Variants in PDE4B observed in about 807,000 individuals in gnomAD.
The protein encoded by PDE4B is phosphodiesterase 4B, also known as 3',5'-cyclic-AMP phosphodiesterase 4B.
In PDE4B, 20 loss-of-function variants were observed where a neutral mutation model predicts 82.2. That is an observed-to-expected ratio of 0.24 (90% CI 0.17 to 0.35). The LOEUF (loss-of-function observed/expected upper bound fraction) is 0.35, where lower values mean the gene tolerates loss of function less well. PDE4B is among the 10% of genes least tolerant of loss of function. PDE4B has a pLI of 1.00. For missense variants in PDE4B, 655 were observed against 907.2 expected (o/e 0.72, Z 3.57); for synonymous variants, 320 against 318.9 (o/e 1.00, Z -0.04).
chr1:65,795,727 C>T (rs1645624556), intron 1 of PDE4B, among the ~76,000 whole-genome samples: 2 of 152,220 alleles, frequency 1.3e-5, no homozygotes, highest in Admixed American at 6.5e-5. Context: ...AGCTCTGGAG[C>T]TCCCTGAGGG....
chr1:65,939,769 CTGTCTGAGCTAGTCAGTGAGGGCT>C (rs1648344768), intron 3 of PDE4B, among the ~76,000 whole-genome samples: 2 of 152,118 alleles, frequency 1.3e-5, no homozygotes, highest in African/African-American at 4.8e-5. Flanking sequence ...GCTTTGTAGA[CTGTCTGAGCTAGTCAGTGAGGGCT>C]CCTCAGACAA....
At chr1:65,998,628 C>CT (rs1376432322) in intron 3 of PDE4B, among the ~76,000 whole-genome samples, 2 of 151,986 alleles carry the variant, frequency 1.3e-5, no homozygotes, top group African/African-American at 4.8e-5. Flanking sequence ...TGTTTTATGA[C>CT]TTAACAAATT....
chr1:66,255,952 C>T (rs937068698), intron 4 of PDE4B, among the ~76,000 whole-genome samples: 2 of 152,108 alleles, frequency 1.3e-5, no homozygotes, highest in Non-Finnish European at 2.9e-5. Flanking sequence ...ATTGCTTGAG[C>T]CCAGGGCTTG....
At chr1:66,137,914 T>C (rs1646091037) in intron 3 of PDE4B, among the ~76,000 whole-genome samples, 1 of 152,220 alleles carries the variant, frequency 6.6e-6, no homozygotes, top group Admixed American at 6.5e-5. Flanking sequence ...GCACTTATTA[T>C]GTATCAGGAA....
chr1:66,209,784 C>G (rs932224776), intron 3 of PDE4B, among the ~76,000 whole-genome samples: 1 of 152,180 alleles, frequency 6.6e-6, no homozygotes, highest in Non-Finnish European at 1.5e-5. Context: ...ACAGTATATA[C>G]TCTTTTTTGC....
intron 3 of PDE4B, among the ~76,000 whole-genome samples, chr1:66,004,262 A>C (rs543837010): frequency 6.6e-6 from 1 of 152,282 alleles, no homozygotes; most frequent in African/African-American, 2.4e-5. Flanking sequence ...AAATTTATAT[A>C]ATATGTATCA....
intron 1 of PDE4B, among the ~76,000 whole-genome samples, chr1:65,799,629 A>T (rs1645672193): frequency 6.6e-6 from 1 of 152,176 alleles, no homozygotes; most frequent in South Asian, 2.1e-4. Context: ...AGTGATAGGG[A>T]TAATGACTTA....
intron 3 of PDE4B, among the ~76,000 whole-genome samples, chr1:66,116,382 A>T (rs1645593920): frequency 6.6e-6 from 1 of 152,172 alleles, no homozygotes; most frequent in South Asian, 2.1e-4. Flanking sequence ...CAGACAGGGC[A>T]TTCAACTAGG....
intron 8 of PDE4B, among the ~76,000 whole-genome samples, chr1:66,351,275 A>G (rs780599274): frequency 1.3e-5 from 2 of 152,236 alleles, no homozygotes; most frequent in Non-Finnish European, 2.9e-5. Flanking sequence ...GGAAAATAGT[A>G]TCTGTGTACA....
chr1:66,237,998 A>C (rs1190130145), intron 3 of PDE4B, among the ~76,000 whole-genome samples: 2 of 152,202 alleles, frequency 1.3e-5, no homozygotes, highest in Non-Finnish European at 2.9e-5. Context: ...AAAAAGCTTT[A>C]ATAGGTACTG....
rs192020253 is a variant in PDE4B, at chr1:65,837,720, C to T, written c.-71+44472C>T. ...ACCTTACTGGCATGGATTTTGTTTT[C>T]TTTACAATTCCTATATTTTTAACTT... On this transcript the variant is annotated intron_variant, in intron 1 of 16. Transcript: ENST00000341517. Among the ~76,000 whole-genome samples the T allele has an allele frequency of 4.4e-3, 677 of 152,246 alleles. 4 individuals are homozygous for T. The highest frequency in any genetic ancestry group is 7.8e-3 in the Non-Finnish European group (531 of 68,002).
At chr1:65,853,440 C>T (rs1465668905) in intron 1 of PDE4B, among the ~76,000 whole-genome samples, 2 of 151,552 alleles carry the variant, frequency 1.3e-5, no homozygotes, top group Non-Finnish European at 2.9e-5. Context: ...TGTCTTTCCT[C>T]TTTTATTCTT....
Position 66,164,010 on chromosome 1 carries a change from C to T in PDE4B, c.282-83450C>T, listed in dbSNP as rs561608729. ...AGCTTTAAAAACAAGTCTTGTGGTGCATTTGTCTATAAGTATGCAAGTCCC... is the reference window on the plus strand; with the variant it reads ...AGCTTTAAAAACAAGTCTTGTGGTGTATTTGTCTATAAGTATGCAAGTCCC... On this transcript the variant is annotated intron_variant, in intron 3 of 16. Coordinates refer to ENST00000341517, the MANE Select transcript of PDE4B (RefSeq NM_002600.4). Among the ~76,000 whole-genome samples the T allele has an allele frequency of 2.9e-3, 448 of 152,232 alleles. 4 individuals carry two copies. The highest frequency in any genetic ancestry group is 0.01 in the African/African-American group (432 of 41,518).
intron 3 of PDE4B, among the ~76,000 whole-genome samples, chr1:66,123,815 T>C (rs983343361): frequency 1.3e-5 from 2 of 152,174 alleles, no homozygotes; most frequent in South Asian, 2.1e-4. Context: ...GATCATTAAA[T>C]CCCTTAGCCT....
Position 66,137,863 on chromosome 1 carries a change from C to A in PDE4B, c.282-109597C>A, listed in dbSNP as rs539442451. Among the ~76,000 whole-genome samples the A allele has an allele frequency of 2.6e-5, 4 of 152,150 alleles. No individual in the cohort carries two copies. The East Asian group carries it at 7.7e-4, about 29-fold the overall frequency. On this transcript the variant is annotated intron_variant, in intron 3 of 16. Coordinates refer to ENST00000341517, the MANE Select transcript of PDE4B (RefSeq NM_002600.4). ...AATATCTTCTAGTCACTGTGATAAA[C>A]GCTATTCTGGGAAATCAAATATGTA...
intron 3 of PDE4B, among the ~76,000 whole-genome samples, chr1:65,946,130 C>G (rs1372352202): frequency 6.6e-6 from 1 of 151,976 alleles, no homozygotes; most frequent in African/African-American, 2.4e-5. Flanking sequence ...GGAAACCCTT[C>G]ATGAATTCAT....
intron 1 of PDE4B, among the ~76,000 whole-genome samples, chr1:65,857,080 CCTAA>C (rs1270468902): frequency 2.0e-5 from 3 of 152,244 alleles, no homozygotes; most frequent in African/African-American, 4.8e-5. Context: ...GTTCTAGCTC[CCTAA>C]CTGTTTTCTC....
At chr1:66,029,646 C>T (rs1322654871) in intron 3 of PDE4B, among the ~76,000 whole-genome samples, 1 of 151,902 alleles carries the variant, frequency 6.6e-6, no homozygotes, top group Non-Finnish European at 1.5e-5. Flanking sequence ...GTTACTTTTG[C>T]TTTTTGATAT....
At chr1:65,827,767 T>TA (rs1427078110) in intron 1 of PDE4B, among the ~76,000 whole-genome samples, 13 of 152,062 alleles carry the variant, frequency 8.5e-5, no homozygotes, top group Non-Finnish European at 1.2e-4. Flanking sequence ...CAAAATTTGG[T>TA]AAAACGACAC....
Sources: gnomAD v4.1 joint callset for allele counts (sites outside exome capture counted in the v4.1 genomes callset) on GRCh38, gnomAD v4.1.1 for gene constraint, MANE v1.5 for transcripts, NCBI Gene and HGNC (gene_info 2026-07-23, HGNC 2026-07-21) for gene names.